The following DNAI4 variants were observed in gnomAD, a reference collection of about 807,000 sequenced individuals.
DNAI4 encodes the protein dynein axonemal intermediate chain 4.
Under a neutral mutation model 105.8 loss-of-function variants are expected in DNAI4, and 85 were observed. The observed-to-expected ratio is 0.80, with a 90% CI of 0.67 to 0.96. The LOEUF is 0.96. DNAI4 is among the 40% of genes least tolerant of loss of function. The probability of loss-of-function intolerance (pLI) is 0.00; values close to 1 mark genes in which losing one functional copy is unlikely to be tolerated. For missense variants in DNAI4, 1,014 were observed against 1,005.6 expected, an observed-to-expected ratio of 1.01 and a Z score of -0.11; for synonymous variants, 352 against 331.5, an observed-to-expected ratio of 1.06 and a Z score of -0.67.
In DNAI4 at chr1:66,892,980, A is replaced by AGAAAGAG. The variant is rs1557964533; in HGVS notation, c.530+248_530+249insCTCTTTC. On this transcript the variant is annotated intron_variant, in intron 3 of 16. Coordinates refer to ENST00000371026, the MANE Select transcript of DNAI4 (RefSeq NM_024763.5). ...AAGAAAGAAAGAAAGAAAGAAAGAA[A>AGAAAGAG]GAAAGAAAGAAAGAAAGAGAGAAAG... Among the ~76,000 whole-genome samples the AGAAAGAG allele has an allele frequency of 2.5e-3, 329 of 134,078 alleles. 15 individuals are homozygous for AGAAAGAG. Among genetic ancestry groups the AGAAAGAG allele is most frequent in the Middle Eastern group, 3.7e-3 (1 of 268 alleles). 88.0% of individuals were successfully genotyped at this position (134,078 alleles called of 152,430 possible).
rs1043290873 is a variant in DNAI4, at chr1:66,890,354, T to C, written c.643+800A>G. 2 of 152,680 alleles carry C rather than the reference T, an allele frequency of 1.3e-5. No individual in the cohort carries two copies. The highest frequency in any genetic ancestry group is 4.8e-5 in the African/African-American group (2 of 41,358). The allele number at this position is 152,680 out of a possible 1,614,324, so 9.5% of individuals were successfully genotyped here. A position where few individuals can be genotyped will look rare whatever the true frequency, so the allele number is the denominator to read the frequency against. ...GCTCAGGCCTGTAATCCCAGCACTT[T>C]GGGAGGCTGAGGCAGGCAAATCATT... On this transcript the variant is annotated intron_variant, in intron 4 of 16. Coordinates refer to ENST00000371026, the MANE Select transcript of DNAI4 (RefSeq NM_024763.5). The surrounding 1 kb of genome is among the most constrained non-coding windows in gnomAD (Gnocchi z 4.1).
chr1:66,817,678 T>A (rs1645546557), intron 16 of DNAI4, among the ~76,000 whole-genome samples: 3 of 152,148 alleles, frequency 2.0e-5, no homozygotes, highest in Admixed American at 2.0e-4. Flanking sequence ...TGTAATAATT[T>A]AGAATTTAAT....
At chr1:66,842,065 T>C (rs1240194673) in intron 8 of DNAI4, among the ~76,000 whole-genome samples, 1 of 152,210 alleles carries the variant, frequency 6.6e-6, no homozygotes, top group Non-Finnish European at 1.5e-5. Flanking sequence ...CAAAACGTTA[T>C]ATAGTCGGAA....
rs1288256663 is a variant in DNAI4 at position 66,893,277 on chromosome 1, C to CTA, written c.480_481dup (p.Ser161IlefsTer8). 1 of 1,609,576 alleles carries CTA rather than the reference C, an allele frequency of 6.2e-7. No homozygotes were observed. Among genetic ancestry groups the CTA allele is most frequent in the Non-Finnish European group, 8.5e-7 (1 of 1,177,710 alleles). ...AGGATTTATTGTATTCTGATAAAGG[C>CTA]TATAGGAAGATATAAATTCTGATCC... On this transcript the variant is annotated frameshift_variant, in exon 3 of 17. Coordinates refer to ENST00000371026, the MANE Select transcript of DNAI4 (RefSeq NM_024763.5). LOFTEE classifies it high-confidence loss of function.
chr1:66,858,057 G>A (rs771872081), intron 7 of DNAI4, among the ~76,000 whole-genome samples: 22 of 151,966 alleles, frequency 1.4e-4, no homozygotes, highest in Non-Finnish European at 2.9e-4. Flanking sequence ...TGCTTTCACT[G>A]GTGAATTCTA....
chr1:66,835,743 A>T lies in DNAI4; in HGVS notation c.1616T>A (p.Val539Asp), dbSNP rs1645971816. The change falls in exon 11 of 17, where the codon GTT (valine) becomes GAT (aspartate). Residue 539 changes from valine (V) to aspartate (D), a missense_variant. Coordinates refer to ENST00000371026, the MANE Select transcript of DNAI4 (RefSeq NM_024763.5). ...PERIYQSPYG[V>D]TAVDFSIGAP... ...TCCAATTGAAAAATCCACAGCAGTA[A>T]CTCCATATGGACTCTGATAAATACG... 6.2e-7 allele frequency: 1 copy of T among 1,613,950 alleles called. No homozygotes were observed. Among genetic ancestry groups the T allele is most frequent in the Non-Finnish European group, 8.5e-7 (1 of 1,179,982 alleles).
chr1:66,923,877 A>G (rs1650817665), intron 1 of DNAI4, among the ~76,000 whole-genome samples: 1 of 152,248 alleles, frequency 6.6e-6, no homozygotes, highest in South Asian at 2.1e-4. Flanking sequence ...AGACAAGTCC[A>G]CACAGCTGTG....
At chr1:66,853,084 G>A (rs1277891335) in intron 7 of DNAI4, among the ~76,000 whole-genome samples, 6 of 152,224 alleles carry the variant, frequency 3.9e-5, no homozygotes, top group African/African-American at 9.6e-5. Flanking sequence ...GAGACACCAT[G>A]AGGAAGTGAA....
Position 66,840,541 on chromosome 1 carries a change from T to A in DNAI4, c.1422A>T (p.Arg474=). Residue 474 remains arginine, a synonymous_variant, in exon 9 of 17, where the codon CGA becomes CGT. Transcript: ENST00000371026. ...TTAAGTCACAGGAAAAAGACCAAAG[T>A]CGTTCCAAGTTGGCGGGTATTGTTG... is the stretch of plus-strand genomic sequence containing the variant. ...EESTIPANLE[R]LWSFSCDLTK... 2.5e-6 allele frequency: 4 copies of A among 1,614,194 alleles called. No individual in the cohort carries two copies. The highest frequency in any genetic ancestry group is 3.4e-6 in the Non-Finnish European group (4 of 1,180,026).
chr1:66,822,111 T>A (rs1249350515), intron 16 of DNAI4, among the ~76,000 whole-genome samples: 2 of 152,106 alleles, frequency 1.3e-5, no homozygotes, highest in Admixed American at 1.3e-4. Flanking sequence ...TTATCCCATA[T>A]AATATTTACA....
At chr1:66,858,383 A>T (rs770693865) in intron 7 of DNAI4, among the ~76,000 whole-genome samples, 2 of 151,614 alleles carry the variant, frequency 1.3e-5, no homozygotes, top group Non-Finnish European at 2.9e-5. Flanking sequence ...ATACAAAAAA[A>T]TTAGCCGGGC....
At chr1:66,852,267 G>C (rs937280112) in intron 7 of DNAI4, among the ~76,000 whole-genome samples, 25 of 151,762 alleles carry the variant, frequency 1.6e-4, no homozygotes, top group African/African-American at 5.8e-4. Flanking sequence ...AAATCACCAA[G>C]CATGGATGGT....
At chr1:66,845,829 C>T (rs1004241794) in intron 8 of DNAI4, among the ~76,000 whole-genome samples, 1 of 136,420 alleles carries the variant, frequency 7.3e-6, no homozygotes, top group African/African-American at 2.8e-5. Flanking sequence ...TGACAGAAAT[C>T]AGAGCAATGC....
In DNAI4 at chr1:66,822,402, A is replaced by C; in HGVS notation, c.2455T>G (p.Tyr819Asp). The change falls in exon 16 of 17, where the codon TAT (tyrosine) becomes GAT (aspartate). Residue 819 changes from tyrosine to aspartate, a missense_variant. Tyr to Asp is a radical substitution (Grantham distance 160). Transcript: ENST00000371026. ...ACAGTAGGCATATTTCTCAGTTCAT[A>C]CACAGAAACCTGTCCATCACTGTCT... Reference protein sequence around the residue: ...VGDSDGQVSVYELRNMPTVLE... With the variant: ...VGDSDGQVSVDELRNMPTVLE... The C allele has an allele frequency of 6.2e-7, 1 of 1,612,718 alleles. No homozygotes were observed. The highest frequency in any genetic ancestry group is 1.3e-5 in the African/African-American group (1 of 74,998).
At chr1:66,826,547 C>T (rs2100366648) in intron 15 of DNAI4, among the ~76,000 whole-genome samples, 1 of 152,256 alleles carries the variant, frequency 6.6e-6, no homozygotes, top group Admixed American at 6.5e-5. Context: ...ATCCTCCCGC[C>T]TCAGCCTCCC....
At chr1:66,850,719 T>C (rs980264512) in intron 7 of DNAI4, among the ~76,000 whole-genome samples, 1 of 151,894 alleles carries the variant, frequency 6.6e-6, no homozygotes, top group African/African-American at 2.4e-5. Context: ...CAAATATAAA[T>C]GGGGGTGGAA....
chr1:66,919,036 C>T, intron 1 of DNAI4: 1 of 415,110 alleles, frequency 2.4e-6, no homozygotes. Flanking sequence ...TGGAAGCCCC[C>T]TCCCTGCTTC....
chr1:66,915,629 A>G (rs1650007399), intron 1 of DNAI4, among the ~76,000 whole-genome samples: 1 of 152,190 alleles, frequency 6.6e-6, no homozygotes, highest in Non-Finnish European at 1.5e-5. Context: ...TTGTAGAAAA[A>G]CATTCTTGGT....
chr1:66,924,565 A>C, intron 1 of DNAI4, 97 bp downstream of exon 1: 38 of 1,508,352 alleles, frequency 2.5e-5, no homozygotes, highest in Non-Finnish European at 3.1e-5. Context: ...CAGTTAGGGT[A>C]GGGCCCCTTT....
Sources: allele counts gnomAD v4.1 joint callset (sites outside exome capture counted in the v4.1 genomes callset), GRCh38; gene constraint gnomAD v4.1.1; non-coding constraint Gnocchi (gnomAD v3.1); transcripts MANE v1.5; gene names NCBI Gene and HGNC (gene_info 2026-07-23, HGNC 2026-07-21).